Variants in ARFGEF1 observed in about 807,000 individuals in gnomAD.
ARFGEF1 encodes brefeldin A-inhibited guanine nucleotide-exchange protein 1.
In ARFGEF1, 42 loss-of-function variants were observed where a neutral mutation model predicts 231.0. The ratio of observed to expected loss-of-function variants is 0.18; its 90% CI spans 0.14 to 0.24. The LOEUF (loss-of-function observed/expected upper bound fraction) is 0.24. ARFGEF1 is among the 10% of genes least tolerant of loss of function. The pLI is 1.00. For missense variants in ARFGEF1, 1,345 were observed against 2,192.0 expected, an observed-to-expected ratio of 0.61 and a Z score of 7.72; for synonymous variants, 710 against 732.3, an observed-to-expected ratio of 0.97 and a Z score of 0.49.
intron 34 of ARFGEF1, among the ~76,000 whole-genome samples, chr8:67,206,723 C>A (rs1401307789): frequency 2.0e-5 from 3 of 152,202 alleles, no homozygotes; most frequent in Non-Finnish European, 4.4e-5. Flanking sequence ...CCAGACCACA[C>A]GGCCACGCCT....
intron 5 of ARFGEF1, among the ~76,000 whole-genome samples, chr8:67,187,233 T>C (rs970289625): frequency 2.0e-5 from 3 of 152,216 alleles, no homozygotes; most frequent in African/African-American, 7.2e-5. Flanking sequence ...AAAGTTCATT[T>C]GGAAAGGCAA....
chr8:67,268,320 T>C (rs1017554149), intron 10 of ARFGEF1, among the ~76,000 whole-genome samples: 2 of 152,164 alleles, frequency 1.3e-5, no homozygotes, highest in Non-Finnish European at 2.9e-5. Flanking sequence ...TCTTTCTTGA[T>C]AAAGATCACG....
chr8:67,315,778 A>C (rs1044971409), intron 1 of ARFGEF1, among the ~76,000 whole-genome samples: 2 of 152,108 alleles, frequency 1.3e-5, no homozygotes, highest in African/African-American at 4.8e-5. Context: ...AATACATGGA[A>C]CTCAATAAAA....
At chr8:67,207,397 T>C (rs1235622672) in intron 34 of ARFGEF1, among the ~76,000 whole-genome samples, 2 of 152,208 alleles carry the variant, frequency 1.3e-5, no homozygotes, top group African/African-American at 2.4e-5. Context: ...GGCTGTACTC[T>C]GAACAGGGAT....
intron 5 of ARFGEF1, among the ~76,000 whole-genome samples, chr8:67,295,020 G>A (rs561008482): frequency 6.6e-6 from 1 of 151,990 alleles, no homozygotes; most frequent in African/African-American, 2.4e-5. Context: ...AAGGACACAG[G>A]GCCAAAAGTG....
At chr8:67,217,707 AC>A in intron 32 of ARFGEF1, 74 bp downstream of exon 32, 2 of 1,475,586 alleles carry the variant, frequency 1.4e-6, no homozygotes, top group Admixed American at 3.8e-5. Context: ...TCACTATCAA[AC>A]TTTTAATCAC....
At chr8:67,336,546 CCTT>C (rs1314711557) in intron 1 of ARFGEF1, among the ~76,000 whole-genome samples, 2 of 152,178 alleles carry the variant, frequency 1.3e-5, no homozygotes, top group Non-Finnish European at 1.5e-5. Flanking sequence ...AAGAATCCCT[CCTT>C]GCCTCTTCCT....
At chr8:67,195,303 T>TG (rs1837693105), downstream of ARFGEF1, 3 of 859,208 alleles carry the variant, frequency 3.5e-6, no homozygotes, top group Admixed American at 3.4e-5. Flanking sequence ...TGTAATGAGT[T>TG]GGACTACAAG....
chr8:67,198,137 T>C lies in ARFGEF1; in HGVS notation c.*797A>G, dbSNP rs1563829098. 2.0e-6 allele frequency: 2 copies of C among 985,804 alleles called. No individual in the cohort carries two copies. Among genetic ancestry groups the C allele is most frequent in the Non-Finnish European group, 2.4e-6 (2 of 829,916 alleles). The allele number at this position is 985,804 out of a possible 1,614,324, so 61.1% of individuals were successfully genotyped here. The stretch of plus-strand genomic sequence containing the variant: ...ATATGTGACAGGTAGTTACTGTCAG[T>C]AGGGATATTTTCTACCTTTTTTTCC... On this transcript the variant is annotated 3_prime_UTR_variant, in exon 39 of 39. Transcript: ENST00000262215.
intron 7 of ARFGEF1, among the ~76,000 whole-genome samples, chr8:67,281,520 CAAT>C (rs1176723574): frequency 2.0e-5 from 3 of 150,870 alleles, no homozygotes; most frequent in African/African-American, 7.3e-5. Flanking sequence ...TGAAATATAG[CAAT>C]AATGTTAAAA....
chr8:67,334,717 T>G (rs2128935663), intron 1 of ARFGEF1, among the ~76,000 whole-genome samples: 1 of 152,324 alleles, frequency 6.6e-6, no homozygotes, highest in South Asian at 2.1e-4. Flanking sequence ...AATGGAATGC[T>G]ATTCATCAAT....
chr8:67,262,899 C>CA (rs1186492640), intron 14 of ARFGEF1, among the ~76,000 whole-genome samples: 2 of 151,940 alleles, frequency 1.3e-5, no homozygotes, highest in African/African-American at 2.4e-5. Flanking sequence ...ACTGAGAAAT[C>CA]AAAAAAATGG....
At chr8:67,320,666 GAAAC>G (rs989906164) in intron 1 of ARFGEF1, among the ~76,000 whole-genome samples, 3 of 152,114 alleles carry the variant, frequency 2.0e-5, no homozygotes, top group African/African-American at 7.2e-5. Flanking sequence ...CAGTAAAAAA[GAAAC>G]AGACAGTCAG....
intron 19 of ARFGEF1, among the ~76,000 whole-genome samples, chr8:67,248,554 G>A (rs542136449): frequency 9.3e-5 from 14 of 150,376 alleles, no homozygotes; most frequent in Non-Finnish European, 1.8e-4. Flanking sequence ...AAACATTGAG[G>A]ATTCTCTAGG....
rs564851718 is a variant in ARFGEF1, at chr8:67,224,859, G to A, written c.4208+44C>T. The A allele has an allele frequency of 7.9e-6, 11 of 1,384,848 alleles. No individual in the cohort carries two copies. The African/African-American group carries it at 1.5e-4, about 18-fold the overall frequency. The allele number at this position is 1,384,848 out of a possible 1,614,324, so 85.8% of individuals were successfully genotyped here. ...ATAAAGAAGAGTTAATTTGATTAAA[G>A]TCAAAATAAATCCAAAATTTTAATT... On this transcript the variant is annotated intron_variant, in intron 29 of 38. Transcript: ENST00000262215.
intron 30 of ARFGEF1, among the ~76,000 whole-genome samples, chr8:67,219,002 C>T (rs183896396): frequency 6.6e-6 from 1 of 152,118 alleles, no homozygotes; most frequent in African/African-American, 2.4e-5. Context: ...GAGTTTTGCT[C>T]GTCGCCCAGG....
At chr8:67,311,096 G>T in intron 1 of ARFGEF1, among the ~76,000 whole-genome samples, 1 of 147,302 alleles carries the variant, frequency 6.8e-6, no homozygotes, top group Middle Eastern at 4.1e-3. Context: ...CAGCCGCCCC[G>T]TCCGGGAGGG....
chr8:67,342,078 AT>A (rs1392461248), intron 1 of ARFGEF1, among the ~76,000 whole-genome samples: 6 of 152,092 alleles, frequency 3.9e-5, no homozygotes, highest in Non-Finnish European at 7.4e-5. Context: ...GTTATTGTGG[AT>A]TTTTCCCCTT....
At chr8:67,338,078 CTAAGT>C (rs1401264991) in intron 1 of ARFGEF1, among the ~76,000 whole-genome samples, 2 of 152,206 alleles carry the variant, frequency 1.3e-5, no homozygotes, top group African/African-American at 2.4e-5. Flanking sequence ...AATTTTCTCT[CTAAGT>C]TAAACCTTAC....
Sources: allele counts gnomAD v4.1 joint callset (sites outside exome capture counted in the v4.1 genomes callset), GRCh38; gene constraint gnomAD v4.1.1; transcripts MANE v1.5; gene names NCBI Gene and HGNC (gene_info 2026-07-23, HGNC 2026-07-21).